Variants in HM13 observed in about 807,000 individuals in gnomAD.
The protein encoded by HM13 is signal peptide peptidase.
HM13 carries 18 observed loss-of-function variants against 50.0 expected under a neutral mutation model. The ratio of observed to expected loss-of-function variants is 0.36; its 90% CI spans 0.25 to 0.53. The LOEUF (loss-of-function observed/expected upper bound fraction) is 0.53, where lower values mean the gene tolerates loss of function less well. Among genes scored for constraint, HM13 ranks in the 20% least tolerant of loss-of-function variants. The pLI is 0.90. For missense variants in HM13, 393 were observed against 552.4 expected (o/e 0.71, Z 2.89); for synonymous variants, 197 against 232.6 (o/e 0.85, Z 1.39).
chr20:31,531,047 AT>A (rs953028281), intron 2 of HM13, among the ~76,000 whole-genome samples: 6 of 151,780 alleles, frequency 4.0e-5, no homozygotes, highest in African/African-American at 1.5e-4. Context: ...AATTAAAAAG[AT>A]TTTTTTTCTT....
chr20:31,541,021 C>T (rs1189635423), intron 3 of HM13: 1 of 151,524 alleles, frequency 6.6e-6, no homozygotes, highest in African/African-American at 2.4e-5. Context: ...GTCTTTTAGC[C>T]ACTTCATAAT....
chr20:31,524,342 G>A (rs1378735077), intron 1 of HM13, among the ~76,000 whole-genome samples: 2 of 152,176 alleles, frequency 1.3e-5, no homozygotes, highest in Non-Finnish European at 2.9e-5. Flanking sequence ...TCAGCAAGCC[G>A]TTAACAGAGC....
chr20:31,538,302 C>T (rs1600639043), intron 3 of HM13, 41 bp downstream of exon 3: 6 of 1,614,124 alleles, frequency 3.7e-6, no homozygotes, highest in South Asian at 2.2e-5. Flanking sequence ...GCAGCTTTCT[C>T]GGGAACCAGT....
At chr20:31,545,208 GTGAACGCCTTACC>G (rs1041487624) in intron 4 of HM13, among the ~76,000 whole-genome samples, 173 bp downstream of exon 4, 1 of 152,182 alleles carries the variant, frequency 6.6e-6, no homozygotes, top group African/African-American at 2.4e-5. Flanking sequence ...GGGACCCTGG[GTGAACGCCTTACC>G]TCTCTGAGCA....
intron 1 of HM13, among the ~76,000 whole-genome samples, chr20:31,526,872 A>G (rs1982520143): frequency 6.6e-6 from 1 of 152,240 alleles, no homozygotes; most frequent in Admixed American, 6.5e-5. Flanking sequence ...GAAAACTGAA[A>G]ACAATTTTCT....
At chr20:31,549,391 C>T (rs1269373511) in intron 6 of HM13, 59 bp downstream of exon 6, 1 of 1,606,242 alleles carries the variant, frequency 6.2e-7, no homozygotes, top group African/African-American at 1.3e-5. Flanking sequence ...TCTCATCACC[C>T]TGCCTCTCTG....
chr20:31,527,431 G>T (rs1982558039), intron 1 of HM13, 53 bp from the exon 2 acceptor site: 7 of 1,278,426 alleles, frequency 5.5e-6, no homozygotes, highest in East Asian at 2.3e-5. Context: ...GAGCCTTGCA[G>T]GAACATATGG....
At chr20:31,539,536 C>T (rs992605010) in intron 3 of HM13, 2 of 982,724 alleles carry the variant, frequency 2.0e-6, no homozygotes, top group African/African-American at 1.7e-5. Context: ...TGGCTCATGC[C>T]TGTAATCCCA....
At chr20:31,559,913 T>C (rs1312632483) in intron 9 of HM13, among the ~76,000 whole-genome samples, 3 of 152,256 alleles carry the variant, frequency 2.0e-5, no homozygotes, top group African/African-American at 7.2e-5. Context: ...CTGTGTGACC[T>C]TGACAAGTGG....
chr20:31,547,187 GT>G (rs1414991520), intron 4 of HM13, among the ~76,000 whole-genome samples: 4 of 152,222 alleles, frequency 2.6e-5, no homozygotes. Flanking sequence ...GCAGTCTTCT[GT>G]TCCGGCAAGG....
At chr20:31,563,179 C>G (rs1568800596) in intron 10 of HM13, 1 of 152,392 alleles carries the variant, frequency 6.6e-6, no homozygotes, top group Non-Finnish European at 1.5e-5. Flanking sequence ...ACTCCTGAAC[C>G]CTGCCCCAAG....
chr20:31,528,410 A>T (rs1277298069), intron 2 of HM13, among the ~76,000 whole-genome samples: 1 of 152,034 alleles, frequency 6.6e-6, no homozygotes. Context: ...TCAACCTCTT[A>T]GGCTCAAGAG....
At chr20:31,549,365 C>G in intron 6 of HM13, 33 bp downstream of exon 6, 1 of 1,613,372 alleles carries the variant, frequency 6.2e-7, no homozygotes, top group Non-Finnish European at 8.5e-7. Flanking sequence ...GGATGTCTGG[C>G]TCCGGGGCCA....
At chr20:31,540,522 C>A (rs1313237017) in intron 3 of HM13, 1 of 152,130 alleles carries the variant, frequency 6.6e-6, no homozygotes, top group Non-Finnish European at 1.5e-5. Context: ...TGCTGAGGAA[C>A]TGATTATTTA....
At chr20:31,560,649 A>C (rs530991133) in intron 9 of HM13, among the ~76,000 whole-genome samples, 2 of 152,236 alleles carry the variant, frequency 1.3e-5, no homozygotes, top group Non-Finnish European at 2.9e-5. Flanking sequence ...AGAAGCCCCC[A>C]GGCTATTTGC....
In HM13 at chr20:31,566,263, G is replaced by A. The variant is rs567853849; in HGVS notation, c.1002G>A (p.Ala334=). Residue 334 remains alanine, a synonymous_variant, in exon 11 of 13, where the codon GCG becomes GCA. Transcript: ENST00000398174. ...GCATCGGTTTTCCTGTCCTGGTGGC[G>A]CTGGCCAAGGGAGAAGTGACAGAGA... ...PACIGFPVLV[A]LAKGEVTEMF... 2.0e-5 allele frequency: 32 copies of A among 1,613,904 alleles called. No individual in the cohort carries two copies. The highest frequency in any genetic ancestry group is 2.5e-5 in the Non-Finnish European group (29 of 1,179,970).
At chr20:31,526,311 A>G (rs552170284) in intron 1 of HM13, among the ~76,000 whole-genome samples, 7 of 152,112 alleles carry the variant, frequency 4.6e-5, no homozygotes, top group African/African-American at 1.7e-4. Context: ...GGTGCCCGCC[A>G]CTGCGCCCGG....
rs914161638 is a variant in HM13, at chr20:31,548,927, C to T, written c.455-102C>T. On this transcript the variant is annotated intron_variant, in intron 4 of 12. Coordinates refer to ENST00000398174, the MANE Select transcript of HM13 (RefSeq NM_178581.3). ...GGCTTAGCCCCGCCAGCCTGTGAAC[C>T]TCTCACAGTGCCCACAGCCATGCCC... is the stretch of plus-strand genomic sequence containing the variant. 6 of 1,017,700 alleles carry T rather than the reference C, an allele frequency of 5.9e-6. No homozygotes were observed. In the African/African-American group the frequency reaches 6.3e-5, roughly 11 times the overall value. 63.0% of individuals were successfully genotyped at this position (1,017,700 alleles called of 1,614,324 possible). A position where few individuals can be genotyped will look rare whatever the true frequency, so the allele number is the denominator to read the frequency against.
intron 11 of HM13, among the ~76,000 whole-genome samples, chr20:31,566,908 A>G (rs989390836): frequency 6.6e-6 from 1 of 152,074 alleles, no homozygotes. Context: ...GTCTGCCCCC[A>G]GCACTGCCGA....
Sources: gnomAD v4.1 joint callset for allele counts (sites outside exome capture counted in the v4.1 genomes callset) on GRCh38, gnomAD v4.1.1 for gene constraint, MANE v1.5 for transcripts, NCBI Gene and HGNC (gene_info 2026-07-23, HGNC 2026-07-21) for gene names.